The following CBL variants were observed in gnomAD, a reference collection of about 807,000 sequenced individuals.
CBL encodes the protein Cbl proto-oncogene.
Under a neutral mutation model 96.9 loss-of-function variants are expected in CBL, and 45 were observed. The ratio of observed to expected loss-of-function variants is 0.46; its 90% CI spans 0.37 to 0.60. CBL has a LOEUF of 0.60. Ranked by LOEUF, CBL falls within the 20% of genes least tolerant of loss-of-function variation. The pLI, the probability that CBL is intolerant of heterozygous loss-of-function variation, is 0.00. For missense variants in CBL, 1,024 were observed against 1,143.5 expected (o/e 0.90, Z 1.51); for synonymous variants, 420 against 426.8 (o/e 0.98, Z 0.20).
intron 1 of CBL, among the ~76,000 whole-genome samples, chr11:119,220,027 T>G (rs1949395759): frequency 1.3e-5 from 2 of 152,090 alleles, no homozygotes; most frequent in South Asian, 4.1e-4. Context: ...TTTTTGTATT[T>G]TTAGTAGAGG....
At chr11:119,227,823 T>G (rs1199073442) in intron 1 of CBL, among the ~76,000 whole-genome samples, 2 of 152,224 alleles carry the variant, frequency 1.3e-5, no homozygotes, top group Non-Finnish European at 2.9e-5. Context: ...GTGCTGGGAT[T>G]ACAGGCGTGA....
intron 1 of CBL, among the ~76,000 whole-genome samples, chr11:119,224,922 CTT>C: frequency 6.6e-6 from 1 of 152,000 alleles, no homozygotes; most frequent in East Asian, 1.9e-4. Context: ...CTTGGTATAA[CTT>C]TTATTGAAAA....
chr11:119,216,697 A>C (rs563957197), intron 1 of CBL, among the ~76,000 whole-genome samples: 1 of 152,184 alleles, frequency 6.6e-6, no homozygotes, highest in South Asian at 2.1e-4. Flanking sequence ...ACAGCAGCAC[A>C]TAACTGTAGC....
chr11:119,224,117 A>G (rs1378906970), intron 1 of CBL, among the ~76,000 whole-genome samples: 1 of 152,222 alleles, frequency 6.6e-6, no homozygotes, highest in African/African-American at 2.4e-5. Context: ...ATGAACTTTA[A>G]GAGGTGACAT....
chr11:119,237,760 A>G (rs1949556304), intron 2 of CBL, among the ~76,000 whole-genome samples: 2 of 152,230 alleles, frequency 1.3e-5, no homozygotes, highest in Non-Finnish European at 2.9e-5. Flanking sequence ...TCTTAATGCT[A>G]GTACCACACC....
At chr11:119,245,751 T>C (rs763319769) in intron 2 of CBL, among the ~76,000 whole-genome samples, 2 of 151,694 alleles carry the variant, frequency 1.3e-5, no homozygotes, top group Non-Finnish European at 2.9e-5. Context: ...AAAAAAGAAA[T>C]AGAGACAAGG....
intron 12 of CBL, among the ~76,000 whole-genome samples, chr11:119,288,848 T>A (rs1259930606): frequency 1.3e-5 from 2 of 152,210 alleles, no homozygotes; most frequent in Non-Finnish European, 2.9e-5. Flanking sequence ...ATGCGCACAC[T>A]GAGAATAAGG....
intron 2 of CBL, among the ~76,000 whole-genome samples, chr11:119,251,835 T>C (rs1285648687): frequency 6.6e-6 from 1 of 152,210 alleles, no homozygotes; most frequent in Non-Finnish European, 1.5e-5. Flanking sequence ...TACTCTAATA[T>C]TGCCAACCAA....
intron 2 of CBL, among the ~76,000 whole-genome samples, chr11:119,269,644 T>C (rs1467538826): frequency 2.6e-5 from 4 of 152,204 alleles, no homozygotes; most frequent in Non-Finnish European, 5.9e-5. Context: ...GAAAAATCTG[T>C]TCCTAATAGA....
At chr11:119,280,107 G>A (rs1459956851) in intron 9 of CBL, among the ~76,000 whole-genome samples, 1 of 152,184 alleles carries the variant, frequency 6.6e-6, no homozygotes, top group African/African-American at 2.4e-5. Context: ...CATGTATTTT[G>A]TCATTTGGCC....
At position 119,232,513 on chromosome 11, in the gene CBL, G is replaced by A; in HGVS notation, c.261G>A (p.Leu87=). 1 of 1,613,966 alleles carries A rather than the reference G, an allele frequency of 6.2e-7. No homozygotes were observed. The highest frequency in any genetic ancestry group is 8.5e-7 in the Non-Finnish European group (1 of 1,179,874). ...ATAGCCCACCTTATATCTTAGACCT[G>A]CTACCAGATACCTACCAGCATCTCC... The part of the protein sequence containing the change: ...LKNSPPYILD[L]LPDTYQHLRT... The change falls in exon 2 of 16, where the codon CTG becomes CTA. Residue 87 remains leucine (L), a synonymous_variant. Coordinates refer to ENST00000264033, the MANE Select transcript of CBL (RefSeq NM_005188.4).
At chr11:119,288,461 C>T (rs1372756490) in intron 12 of CBL, among the ~76,000 whole-genome samples, 2 of 141,528 alleles carry the variant, frequency 1.4e-5, no homozygotes, top group African/African-American at 5.2e-5. Context: ...TGGCCATCCT[C>T]AGTGTTTGCA....
At chr11:119,245,312 T>G (rs1269369026) in intron 2 of CBL, among the ~76,000 whole-genome samples, 1 of 152,144 alleles carries the variant, frequency 6.6e-6, no homozygotes, top group East Asian at 1.9e-4. Flanking sequence ...AGAGCTTTTG[T>G]ATATATGGGT....
chr11:119,297,415 T>C lies in CBL; in HGVS notation c.2185T>C (p.Cys729Arg), dbSNP rs1950071650. The C allele has an allele frequency of 6.2e-7, 1 of 1,613,980 alleles. No individual in the cohort carries two copies. The change falls in exon 14 of 16, where the codon TGT becomes CGT. Residue 729 changes from cysteine to arginine, a missense_variant. By Grantham distance (180) the Cys-to-Arg change is radical (BLOSUM62 -3). Around this residue, in one of 4 missense-constraint regions of CBL, gnomAD observed 695 missense variants for 661.6 expected, o/e 1.05. Coordinates refer to ENST00000264033, the MANE Select transcript of CBL (RefSeq NM_005188.4). ...TGATTGCGACCAGCAGATTGATAGC[T>C]GTACGTATGAAGCAATGTATAATAT... ...ACDCDQQIDS[C>R]TYEAMYNIQS...
chr11:119,264,404 T>TTCTCTTCTCTTCTCTTCTCTTCTCG (rs1555228866), intron 2 of CBL, among the ~76,000 whole-genome samples: 890 of 86,538 alleles, frequency 0.01, 14 homozygotes, highest in African/African-American at 0.032. Flanking sequence ...TTCTCTTCTC[T>TTCTCTTCTCTTCTCTTCTCTTCTCG]TCTCTTCTCT....
Position 119,265,246 on chromosome 11 carries a change from T to A in CBL, c.444-6489T>A, listed in dbSNP as rs1949792931. Among the ~76,000 whole-genome samples the A allele has an allele frequency of 1.3e-5, 2 of 152,224 alleles. 1 individual carries two copies. Among genetic ancestry groups the A allele is most frequent in the South Asian group, 4.1e-4 (2 of 4,832 alleles). The stretch of plus-strand genomic sequence containing the variant: ...TTTTTAAATACCATATAAACTTTTT[T>A]GAGTCTTTAAACCATTTTTAAGAGA... On this transcript the variant is annotated intron_variant, in intron 2 of 15. Transcript: ENST00000264033.
chr11:119,280,428 GGTTA>G (rs757057159), intron 9 of CBL, among the ~76,000 whole-genome samples: 1 of 152,002 alleles, frequency 6.6e-6, no homozygotes, highest in African/African-American at 2.4e-5. Context: ...TTTAACTTTT[GGTTA>G]GTTATTAAAG....
At chr11:119,281,366 G>A (rs1246090293) in intron 9 of CBL, among the ~76,000 whole-genome samples, 1 of 152,070 alleles carries the variant, frequency 6.6e-6, no homozygotes, top group Non-Finnish European at 1.5e-5. Flanking sequence ...ACCCTCAAAC[G>A]TGAATTGACT....
chr11:119,256,213 A>G (rs1360750742), intron 2 of CBL, among the ~76,000 whole-genome samples: 1 of 147,560 alleles, frequency 6.8e-6, no homozygotes, highest in Non-Finnish European at 1.5e-5. Context: ...TTTTTTAAAG[A>G]TGGAGTCTCG....
Sources: gnomAD v4.1 joint callset for allele counts (sites outside exome capture counted in the v4.1 genomes callset) on GRCh38, gnomAD v4.1.1 for gene constraint, gnomAD v4.1.1 regional missense constraint, MANE v1.5 for transcripts, NCBI Gene and HGNC (gene_info 2026-07-23, HGNC 2026-07-21) for gene names.